NSRP1: variants seen among roughly 807,000 people sequenced by gnomAD.
The protein encoded by NSRP1 is nuclear speckle splicing regulatory protein 1.
Under a neutral mutation model 54.7 loss-of-function variants are expected in NSRP1, and 24 were observed. The observed-to-expected ratio is 0.44, with a 90% CI of 0.32 to 0.62. The LOEUF (loss-of-function observed/expected upper bound fraction) is 0.62. NSRP1 is among the 20% of genes least tolerant of loss of function. NSRP1 has a pLI of 0.06. For missense variants in NSRP1, 596 were observed against 651.2 expected (o/e 0.92, Z 0.92); for synonymous variants, 210 against 213.8 (o/e 0.98, Z 0.15).
intron 4 of NSRP1, among the ~76,000 whole-genome samples, 169 bp downstream of exon 4, chr17:30,178,368 A>T (rs1905195124): frequency 6.6e-6 from 1 of 152,210 alleles, no homozygotes; most frequent in Non-Finnish European, 1.5e-5. Context: ...GCAGCACTAC[A>T]TATTATCCTA....
intron 2 of NSRP1, chr17:30,150,393 T>A (rs1195380141): frequency 6.8e-6 from 1 of 148,034 alleles, no homozygotes; most frequent in Non-Finnish European, 1.5e-5. Flanking sequence ...TGTGGTGGTT[T>A]TTTTTTTGAG....
At chr17:30,135,918 G>A (rs937979984) in intron 2 of NSRP1, among the ~76,000 whole-genome samples, 2 of 151,854 alleles carry the variant, frequency 1.3e-5, no homozygotes, top group African/African-American at 4.8e-5. Context: ...GCCCACTGTA[G>A]CCTTGATGTC....
intron 1 of NSRP1, 35 bp downstream of exon 1, chr17:30,116,898 A>G (rs2071538204): frequency 6.4e-7 from 1 of 1,562,600 alleles, no homozygotes; most frequent in Non-Finnish European, 8.7e-7. Context: ...AGGCTGGGGG[A>G]TGAGAAACTA....
At chr17:30,145,275 G>C (rs2071843405) in intron 2 of NSRP1, among the ~76,000 whole-genome samples, 1 of 151,726 alleles carries the variant, frequency 6.6e-6, no homozygotes, top group Admixed American at 6.6e-5. Context: ...TAGATCATAG[G>C]GTATGTATAT....
chr17:30,179,879 C>T (rs1472607200), intron 5 of NSRP1, among the ~76,000 whole-genome samples: 1 of 152,102 alleles, frequency 6.6e-6, no homozygotes, highest in Non-Finnish European at 1.5e-5. Flanking sequence ...CTCTGTCACC[C>T]AGGCTGGAGT....
At chr17:30,172,400 T>C (rs976494272) in intron 2 of NSRP1, 142 bp from the exon 3 acceptor site, 10 of 510,002 alleles carry the variant, frequency 2.0e-5, no homozygotes, top group Admixed American at 3.7e-5. Context: ...ATCTTCAGAT[T>C]TGGGGTGCTG....
intron 2 of NSRP1, among the ~76,000 whole-genome samples, chr17:30,134,634 A>G (rs898145695): frequency 6.6e-6 from 1 of 152,228 alleles, no homozygotes; most frequent in African/African-American, 2.4e-5. Context: ...AATAGCACAC[A>G]CAGGGTACTT....
chr17:30,163,676 CCACTTTTTTT>C (rs1178006807), intron 2 of NSRP1, among the ~76,000 whole-genome samples: 35 of 142,528 alleles, frequency 2.5e-4, no homozygotes, highest in African/African-American at 8.7e-4. Flanking sequence ...TATACTTTGA[CCACTTTTTTT>C]TTTTTTTTTT....
At chr17:30,152,903 C>CTT (rs60246615) in intron 2 of NSRP1, among the ~76,000 whole-genome samples, 664 of 46,958 alleles carry the variant, frequency 0.014, 9 homozygotes, top group African/African-American at 0.024. Context: ...TTATTTTCAG[C>CTT]TTTTTTTTTT....
Position 30,178,155 on chromosome 17 carries a change from AAGG to A in NSRP1, c.261_263del (p.Glu88del). 2 of 1,610,496 alleles carry A rather than the reference AAGG, an allele frequency of 1.2e-6. No individual in the cohort carries two copies. The highest frequency in any genetic ancestry group is 8.5e-7 in the Non-Finnish European group (1 of 1,179,092). On this transcript the variant is annotated inframe_deletion, in exon 4 of 7. Coordinates refer to ENST00000247026, the MANE Select transcript of NSRP1 (RefSeq NM_032141.4). ...TATTTATGATGAAATGCAGAAAAAA[AAGG>A]AGGAAAATAATCCCAAATTGCTTTT...
At chr17:30,126,320 C>T (rs964844717) in intron 2 of NSRP1, among the ~76,000 whole-genome samples, 1 of 152,172 alleles carries the variant, frequency 6.6e-6, no homozygotes, top group African/African-American at 2.4e-5. Flanking sequence ...CACAGCTCTG[C>T]TTTTCTTTAC....
chr17:30,116,942 T>C, intron 1 of NSRP1, 79 bp downstream of exon 1: 1 of 1,516,116 alleles, frequency 6.6e-7, no homozygotes, highest in Non-Finnish European at 9.0e-7. Flanking sequence ...GAGTTTTAAA[T>C]GCGCTGGAAG....
chr17:30,158,390 T>C (rs1904390525), intron 2 of NSRP1, among the ~76,000 whole-genome samples: 1 of 152,022 alleles, frequency 6.6e-6, no homozygotes, highest in Non-Finnish European at 1.5e-5. Flanking sequence ...GAATATTTTG[T>C]AAACGTTTTC....
At chr17:30,182,382 G>A (rs1299964262) in intron 6 of NSRP1, among the ~76,000 whole-genome samples, 1 of 152,132 alleles carries the variant, frequency 6.6e-6, no homozygotes, top group African/African-American at 2.4e-5. Context: ...AGTGACTCAC[G>A]CCTGTTATCC....
chr17:30,166,615 A>G (rs765578667), intron 2 of NSRP1, among the ~76,000 whole-genome samples: 4 of 152,146 alleles, frequency 2.6e-5, no homozygotes, highest in Non-Finnish European at 2.9e-5. Flanking sequence ...CAAGTACAAT[A>G]CGTTTTTGTT....
intron 3 of NSRP1, among the ~76,000 whole-genome samples, chr17:30,174,156 G>A (rs1905048796): frequency 6.6e-6 from 1 of 152,022 alleles, no homozygotes; most frequent in Non-Finnish European, 1.5e-5. Context: ...TTTTTGTGCT[G>A]CCTTTTTTTC....
At chr17:30,142,319 T>G (rs1036945862) in intron 2 of NSRP1, among the ~76,000 whole-genome samples, 1 of 152,180 alleles carries the variant, frequency 6.6e-6, no homozygotes, top group Non-Finnish European at 1.5e-5. Flanking sequence ...TTTAAAAATG[T>G]ATTTTATTTT....
At chr17:30,180,318 G>A (rs1435966738) in intron 5 of NSRP1, among the ~76,000 whole-genome samples, 1 of 151,870 alleles carries the variant, frequency 6.6e-6, no homozygotes, top group South Asian at 2.1e-4. Flanking sequence ...CACCACACCT[G>A]GATAATTTTT....
chr17:30,171,310 T>G (rs2143008214), intron 2 of NSRP1, among the ~76,000 whole-genome samples: 1 of 149,448 alleles, frequency 6.7e-6, no homozygotes, highest in East Asian at 2.0e-4. Context: ...TGTCTTTTTT[T>G]TTTTTTTTTT....
Sources: allele counts gnomAD v4.1 joint callset (sites outside exome capture counted in the v4.1 genomes callset), GRCh38; gene constraint gnomAD v4.1.1; transcripts MANE v1.5; gene names NCBI Gene and HGNC (gene_info 2026-07-23, HGNC 2026-07-21).